The following TSPAN11 variants were observed in gnomAD, a reference collection of about 807,000 sequenced individuals.
TSPAN11 encodes tetraspanin 11, also known as tetraspanin-11.
In TSPAN11, 29 loss-of-function variants were observed where a neutral mutation model predicts 32.9. The observed-to-expected ratio is 0.88, with a 90% CI of 0.66 to 1.20. The LOEUF (loss-of-function observed/expected upper bound fraction) is 1.20, where lower values mean the gene tolerates loss of function less well. TSPAN11 is among the 50% of genes most tolerant of loss of function. The probability of loss-of-function intolerance (pLI) is 0.00; values close to 1 mark genes in which losing one functional copy is unlikely to be tolerated. For missense variants in TSPAN11, 283 were observed against 329.1 expected (o/e 0.86, Z 1.08); for synonymous variants, 140 against 141.3 (o/e 0.99, Z 0.07).
rs140705311 is a variant in TSPAN11, at chr12:30,931,608, G to A, written c.-12+4812G>A. Among the ~76,000 whole-genome samples the A allele has an allele frequency of 1.9e-3, 291 of 152,180 alleles. 1 individual carries two copies. The highest frequency in any genetic ancestry group is 6.2e-3 in the African/African-American group (259 of 41,516). On this transcript the variant is annotated intron_variant, in intron 1 of 7. Transcript: ENST00000546076. ...AGAATTAGAGTACCTGGCTGGGCGC[G>A]GTGGCTCATGCCTGTAATCCCAGCA... is the stretch of plus-strand genomic sequence containing the variant.
the TSPAN11 span, among the ~76,000 whole-genome samples, chr12:31,014,067 C>T: frequency 1.3e-5 from 2 of 152,194 alleles, no homozygotes; most frequent in Non-Finnish European, 2.9e-5. Context: ...TTTAAAATCA[C>T]TTACGTGATT....
chr12:31,006,164 C>A, the TSPAN11 span, among the ~76,000 whole-genome samples: 1 of 152,210 alleles, frequency 6.6e-6, no homozygotes. Flanking sequence ...TTCAAAACCA[C>A]AGAGTTGTCT....
rs115518910 is a variant in TSPAN11 at position 30,953,595 on chromosome 12, T to C, written c.-11-386T>C. Among the ~76,000 whole-genome samples the C allele has an allele frequency of 3.9e-3, 601 of 152,276 alleles. 5 individuals are homozygous for C. The highest frequency in any genetic ancestry group is 0.014 in the African/African-American group (583 of 41,550). ...CTGTTCAAATGATGCAGAGTGCAAGTTTCCTATGCAAAGTAGTGATGCTGA... is the reference window on the plus strand; with the variant it reads ...CTGTTCAAATGATGCAGAGTGCAAGCTTCCTATGCAAAGTAGTGATGCTGA... On this transcript the variant is annotated intron_variant, in intron 1 of 7. Coordinates refer to ENST00000546076, the MANE Select transcript of TSPAN11 (RefSeq NM_001370302.1).
chr12:30,937,645 G>A (rs1270756829), intron 1 of TSPAN11, among the ~76,000 whole-genome samples: 1 of 152,198 alleles, frequency 6.6e-6, no homozygotes, highest in East Asian at 1.9e-4. Context: ...CCAGGTTCCT[G>A]CCCTTTTTGT....
chr12:30,931,564 G>A (rs1052340676), intron 1 of TSPAN11, among the ~76,000 whole-genome samples: 4 of 152,032 alleles, frequency 2.6e-5, no homozygotes, highest in African/African-American at 4.8e-5. Flanking sequence ...TGGAAACCAC[G>A]GTCCTATACT....
At chr12:30,932,080 T>G (rs148327620) in intron 1 of TSPAN11, among the ~76,000 whole-genome samples, 1 of 150,166 alleles carries the variant, frequency 6.7e-6, no homozygotes, top group Admixed American at 6.6e-5. Context: ...CAGAGCCAGA[T>G]AGGTAATTTG....
intron 2 of TSPAN11, among the ~76,000 whole-genome samples, chr12:30,957,231 C>A (rs1005731051): frequency 1.6e-4 from 8 of 51,566 alleles, no homozygotes; most frequent in Non-Finnish European, 1.9e-4. Context: ...GCCTGGGACC[C>A]CCCCCCCCCC....
chr12:30,929,248 C>T (rs767785758), intron 1 of TSPAN11, among the ~76,000 whole-genome samples: 1 of 152,112 alleles, frequency 6.6e-6, no homozygotes, highest in Non-Finnish European at 1.5e-5. Context: ...ATAATAGTAC[C>T]GCAACTGGAA....
the TSPAN11 span, among the ~76,000 whole-genome samples, chr12:31,004,200 A>G: frequency 1.2e-4 from 19 of 152,338 alleles, no homozygotes; most frequent in East Asian, 3.5e-3. Context: ...TCATAACTGC[A>G]AAACATTACA....
chr12:30,971,882 C>G (rs570466101), intron 3 of TSPAN11, among the ~76,000 whole-genome samples: 190 of 151,806 alleles, frequency 1.3e-3, no homozygotes, highest in African/African-American at 4.4e-3. Context: ...GAGTACTATG[C>G]TGTTCTAGCT....
rs1010534882 is a variant in TSPAN11, at chr12:30,936,943, G to A, written c.-12+10147G>A. 2.6e-5 allele frequency among the ~76,000 whole-genome samples: 4 copies of A among 152,190 alleles called. No individual in the cohort carries two copies. The East Asian group carries it at 7.7e-4, about 29-fold the overall frequency. ...GTGTAAACCAGGAAGAGGACGAGTCGATGAGGCCAAGGAAGAAAGGACAGT... is the reference window on the plus strand; with the variant it reads ...GTGTAAACCAGGAAGAGGACGAGTCAATGAGGCCAAGGAAGAAAGGACAGT... On this transcript the variant is annotated intron_variant, in intron 1 of 7. Coordinates refer to ENST00000546076, the MANE Select transcript of TSPAN11 (RefSeq NM_001370302.1).
chr12:30,952,596 A>C (rs1164754128), intron 1 of TSPAN11, among the ~76,000 whole-genome samples: 1 of 152,210 alleles, frequency 6.6e-6, no homozygotes, highest in South Asian at 2.1e-4. Flanking sequence ...AGCTTGAAAT[A>C]AGAGGCAGAA....
At chr12:30,947,067 G>A (rs913155281) in intron 1 of TSPAN11, among the ~76,000 whole-genome samples, 1 of 152,176 alleles carries the variant, frequency 6.6e-6, no homozygotes, top group Non-Finnish European at 1.5e-5. Context: ...AATTTCAGGG[G>A]ATTATCCAAA....
Position 30,992,141 on chromosome 12 carries a change from C to T in TSPAN11, c.*226C>T, listed in dbSNP as rs1403105189. On this transcript the variant is annotated 3_prime_UTR_variant, in exon 8 of 8. Transcript: ENST00000546076. ...CATTTCTGAGCCCCCATGGCCAGAT[C>T]CTGGGCAGGGAAATGATCCTTTCAG... 6.7e-6 allele frequency: 4 copies of T among 598,562 alleles called. No individual in the cohort carries two copies. The highest frequency in any genetic ancestry group is 2.8e-5 in the Admixed American group (1 of 35,142). 37.1% of individuals were successfully genotyped at this position (598,562 alleles called of 1,614,324 possible). A position where few individuals can be genotyped will look rare whatever the true frequency, so the allele number is the denominator to read the frequency against.
chr12:30,982,797 CAT>C (rs1476625976), intron 6 of TSPAN11, 107 bp downstream of exon 6: 70 of 1,438,350 alleles, frequency 4.9e-5, no homozygotes, highest in Non-Finnish European at 5.7e-5. Context: ...AAGCAGGACA[CAT>C]GTGCTCCTTG....
intron 7 of TSPAN11, among the ~76,000 whole-genome samples, chr12:30,984,647 C>T (rs1939165944): frequency 6.6e-6 from 1 of 150,538 alleles, no homozygotes; most frequent in South Asian, 2.1e-4. Flanking sequence ...CAACCTCCGC[C>T]TCCCAGGTTC....
intron 7 of TSPAN11, among the ~76,000 whole-genome samples, chr12:30,990,660 C>T (rs1204200844): frequency 6.6e-6 from 1 of 152,148 alleles, no homozygotes; most frequent in Admixed American, 6.5e-5. Context: ...TTCCACACTA[C>T]CTCCCCCAGC....
chr12:30,962,018 A>C (rs1325418726), intron 2 of TSPAN11, among the ~76,000 whole-genome samples: 2 of 152,112 alleles, frequency 1.3e-5, no homozygotes, highest in Non-Finnish European at 2.9e-5. Flanking sequence ...TGAATCTAAG[A>C]TATCATCAGT....
chr12:30,999,499 A>C (rs1592504685), downstream of TSPAN11, among the ~76,000 whole-genome samples: 1 of 150,946 alleles, frequency 6.6e-6, no homozygotes, highest in African/African-American at 2.4e-5. Context: ...ACGTTTCAGC[A>C]AAGTCATCTA....
Sources: gnomAD v4.1 joint callset for allele counts (sites outside exome capture counted in the v4.1 genomes callset) on GRCh38, gnomAD v4.1.1 for gene constraint, MANE v1.5 for transcripts, NCBI Gene and HGNC (gene_info 2026-07-23, HGNC 2026-07-21) for gene names.